BCAS3: variants seen among roughly 807,000 people sequenced by gnomAD.
The protein encoded by BCAS3 is BCAS3 microtubule associated cell migration factor, also known as BCAS4/BCAS3 fusion.
Under a neutral mutation model 116.1 loss-of-function variants are expected in BCAS3, and 53 were observed. The observed-to-expected ratio is 0.46, with a 90% CI of 0.37 to 0.57. BCAS3 has a LOEUF of 0.57. BCAS3 is among the 20% of genes least tolerant of loss of function. BCAS3 has a pLI of 0.00. For missense variants in BCAS3, 917 were observed against 1,165.4 expected (o/e 0.79, Z 3.10); for synonymous variants, 391 against 408.2 (o/e 0.96, Z 0.51).
At position 61,161,826 on chromosome 17, in the gene BCAS3, T is replaced by G. The variant is rs2078184625; in HGVS notation, c.2425+77262T>G. Among the ~76,000 whole-genome samples the G allele has an allele frequency of 6.6e-6, 1 of 152,320 alleles. No individual in the cohort carries two copies. The highest frequency in any genetic ancestry group is 2.1e-4 in the South Asian group (1 of 4,824). ...CTTATATTTAACTCGTCGCTTGTTC[T>G]GGAAAAGTAGTAGTACTGCCTTCTC... On this transcript the variant is annotated intron_variant, in intron 22 of 23. Coordinates refer to ENST00000407086, the MANE Select transcript of BCAS3 (RefSeq NM_017679.5). The surrounding 1 kb of genome is among the most constrained non-coding windows in gnomAD (Gnocchi z 4.8).
In BCAS3 at chr17:61,186,092, C is replaced by G. The variant is rs969538137; in HGVS notation, c.2425+101528C>G. 6.6e-5 allele frequency among the ~76,000 whole-genome samples: 10 copies of G among 152,014 alleles called. No homozygotes were observed. The highest frequency in any genetic ancestry group is 2.4e-4 in the African/African-American group (10 of 41,388). ...AATTTTTATTTTTTTGCCTAATAGC[C>G]AATTGCTTTGAAAAATGTAGTCCAT... On this transcript the variant is annotated intron_variant, in intron 22 of 23. Coordinates refer to ENST00000407086, the MANE Select transcript of BCAS3 (RefSeq NM_017679.5). The surrounding 1 kb of genome is among the most constrained non-coding windows in gnomAD (Gnocchi z 4.9).
intron 22 of BCAS3, among the ~76,000 whole-genome samples, chr17:61,357,308 C>G (rs1358596959): frequency 6.7e-6 from 1 of 148,996 alleles, no homozygotes; most frequent in African/African-American, 2.4e-5. Context: ...ATAACAGGTG[C>G]CTATGGTTTC....
intron 22 of BCAS3, among the ~76,000 whole-genome samples, chr17:61,350,634 C>CTT (rs35195040): frequency 8.5e-5 from 12 of 140,474 alleles, no homozygotes; most frequent in African/African-American, 2.9e-4. Context: ...ATTATTCAGT[C>CTT]TTTTTTTTTT....
At chr17:61,080,105 A>G (rs1230285685) in intron 21 of BCAS3, among the ~76,000 whole-genome samples, 3 of 151,412 alleles carry the variant, frequency 2.0e-5, no homozygotes, top group Non-Finnish European at 2.9e-5. Flanking sequence ...GAGTTTCACT[A>G]TGTTGGCCAG....
At chr17:60,717,187 CTTTCTTTTTCT>C (rs1400206801) in intron 5 of BCAS3, among the ~76,000 whole-genome samples, 1 of 150,902 alleles carries the variant, frequency 6.6e-6, no homozygotes, top group Non-Finnish European at 1.5e-5. Flanking sequence ...GAATATGTTT[CTTTCTTTTTCT>C]TTTCTTCTTC....
In BCAS3 at chr17:60,911,123, CTT is replaced by C. The variant is rs1162942971; in HGVS notation, c.993+437_993+438del. On this transcript the variant is annotated intron_variant, in intron 12 of 23. Transcript: ENST00000407086. ...AATAAATTTTTTTCTTTTTTTCTTT[CTT>C]TTTTTTTTTTTTTTTGAGATGGAGC... is the stretch of plus-strand genomic sequence containing the variant. 5.2e-4 allele frequency among the ~76,000 whole-genome samples: 46 copies of C among 88,266 alleles called. 1 individual carries two copies. The highest frequency in any genetic ancestry group is 1.3e-3 in the African/African-American group (29 of 22,210). 57.9% of individuals were successfully genotyped at this position (88,266 alleles called of 152,430 possible). A position where few individuals can be genotyped will look rare whatever the true frequency, so the allele number is the denominator to read the frequency against.
rs2080995249 is a variant in BCAS3, at chr17:61,204,156, A to T, written c.2425+119592A>T. On this transcript the variant is annotated intron_variant, in intron 22 of 23. Coordinates refer to ENST00000407086, the MANE Select transcript of BCAS3 (RefSeq NM_017679.5). The surrounding 1 kb of genome is among the most constrained non-coding windows in gnomAD (Gnocchi z 4.2). Reference sequence around the variant, plus strand: ...TGAGCCAAACCTGCCTTTGTTTACAACTTTTCCGGAAATTTTCACAGAGGG... The same window carrying T: ...TGAGCCAAACCTGCCTTTGTTTACATCTTTTCCGGAAATTTTCACAGAGGG... Among the ~76,000 whole-genome samples, 1 of 152,082 alleles carries T rather than the reference A, an allele frequency of 6.6e-6. No homozygotes were observed. The highest frequency in any genetic ancestry group is 1.9e-4 in the East Asian group (1 of 5,184).
At chr17:61,135,352 T>A (rs2143899162) in intron 22 of BCAS3, among the ~76,000 whole-genome samples, 1 of 152,382 alleles carries the variant, frequency 6.6e-6, no homozygotes, top group East Asian at 1.9e-4. Flanking sequence ...ATATCTGCAT[T>A]AGGTAAATGT....
Position 61,364,391 on chromosome 17 carries a change from A to C in BCAS3, c.2426-3936A>C, listed in dbSNP as rs1333673706. On this transcript the variant is annotated intron_variant, in intron 22 of 23. Coordinates refer to ENST00000407086, the MANE Select transcript of BCAS3 (RefSeq NM_017679.5). The surrounding 1 kb of genome is among the most constrained non-coding windows in gnomAD (Gnocchi z 5.4). ...GTTGAAGGTGACAGGAGTTCTCAAA[A>C]TGGTAGGAAAGATAGAAGTGGTTTA... is the stretch of plus-strand genomic sequence containing the variant. 6.6e-6 allele frequency among the ~76,000 whole-genome samples: 1 copy of C among 152,194 alleles called. No individual in the cohort carries two copies. Among genetic ancestry groups the C allele is most frequent in the African/African-American group, 2.4e-5 (1 of 41,438 alleles).
Position 61,305,173 on chromosome 17 carries a change from GGCCTTA to G in BCAS3, c.2426-63152_2426-63147del, listed in dbSNP as rs201579509. Among the ~76,000 whole-genome samples, 1,313 of 152,238 alleles carry G rather than the reference GGCCTTA, an allele frequency of 8.6e-3. 10 individuals carry two copies. The highest frequency in any genetic ancestry group is 0.014 in the Non-Finnish European group (956 of 68,016). On this transcript the variant is annotated intron_variant, in intron 22 of 23. Coordinates refer to ENST00000407086, the MANE Select transcript of BCAS3 (RefSeq NM_017679.5). Reference sequence around the variant, plus strand: ...TCTATCCCTCTGAAGATAGAATACTGGCCTTAGTCAATGAATGAAGCAACATCTCTT... The same window carrying G: ...TCTATCCCTCTGAAGATAGAATACTGGTCAATGAATGAAGCAACATCTCTT...
intron 3 of BCAS3, among the ~76,000 whole-genome samples, chr17:60,686,398 G>A (rs1227940707): frequency 1.3e-5 from 2 of 151,534 alleles, no homozygotes; most frequent in Non-Finnish European, 2.9e-5. Context: ...GAGAGAACAT[G>A]TGTTGTTGGA....
intron 6 of BCAS3, among the ~76,000 whole-genome samples, chr17:60,754,570 A>T (rs1356932841): frequency 6.6e-6 from 1 of 152,096 alleles, no homozygotes; most frequent in Non-Finnish European, 1.5e-5. Flanking sequence ...CTTATAACTC[A>T]TAAGAATTAT....
At chr17:61,358,808 G>A (rs1278618946) in intron 22 of BCAS3, among the ~76,000 whole-genome samples, 2 of 152,018 alleles carry the variant, frequency 1.3e-5, no homozygotes, top group East Asian at 3.9e-4. Context: ...GATTCTTAAT[G>A]CATATTGCCA....
rs2143208057 is a variant in BCAS3, at chr17:61,339,050, A to G, written c.2426-29277A>G. 6.6e-6 allele frequency among the ~76,000 whole-genome samples: 1 copy of G among 152,162 alleles called. No individual in the cohort carries two copies. Among genetic ancestry groups the G allele is most frequent in the East Asian group, 1.9e-4 (1 of 5,174 alleles). On this transcript the variant is annotated intron_variant, in intron 22 of 23. Coordinates refer to ENST00000407086, the MANE Select transcript of BCAS3 (RefSeq NM_017679.5). The surrounding 1 kb of genome is among the most constrained non-coding windows in gnomAD (Gnocchi z 4.4). ...GTTTTGGGAAAAAAAAAAATTCACA[A>G]AGACCCATCTGCCTCTCCCATTTTC...
intron 7 of BCAS3, among the ~76,000 whole-genome samples, chr17:60,835,209 A>T (rs1270912260): frequency 6.6e-6 from 1 of 152,020 alleles, no homozygotes; most frequent in Non-Finnish European, 1.5e-5. Context: ...TTGCTATTAA[A>T]GCTATAAATA....
intron 5 of BCAS3, among the ~76,000 whole-genome samples, chr17:60,729,913 C>A (rs1283706301): frequency 6.6e-6 from 1 of 152,234 alleles, no homozygotes; most frequent in Non-Finnish European, 1.5e-5. Context: ...ACATTGACTT[C>A]TGAACACCTT....
At chr17:60,748,423 G>A (rs186315686) in intron 6 of BCAS3, among the ~76,000 whole-genome samples, 2 of 152,036 alleles carry the variant, frequency 1.3e-5, no homozygotes, top group South Asian at 2.1e-4. Flanking sequence ...GCTGTCTCTC[G>A]CTCTCTCATG....
At chr17:60,923,892 C>T (rs528654718) in intron 12 of BCAS3, among the ~76,000 whole-genome samples, 6 of 152,198 alleles carry the variant, frequency 3.9e-5, no homozygotes, top group Non-Finnish European at 4.4e-5. Context: ...TTGAAGAACA[C>T]GACTTTCATA....
chr17:60,980,823 A>G (rs1373690557), intron 14 of BCAS3, among the ~76,000 whole-genome samples: 1 of 152,034 alleles, frequency 6.6e-6, no homozygotes, highest in Non-Finnish European at 1.5e-5. Context: ...GACAGGAGCC[A>G]CTGTACCTGA....
Sources: gnomAD v4.1 joint callset for allele counts (sites outside exome capture counted in the v4.1 genomes callset) on GRCh38, gnomAD v4.1.1 for gene constraint, Gnocchi (gnomAD v3.1) non-coding constraint, MANE v1.5 for transcripts, NCBI Gene and HGNC (gene_info 2026-07-23, HGNC 2026-07-21) for gene names.